TMEM132C: variants seen among roughly 807,000 people sequenced by gnomAD.
TMEM132C encodes transmembrane protein 132C.
TMEM132C carries 29 observed loss-of-function variants against 61.4 expected under a neutral mutation model. The observed-to-expected ratio is 0.47, with a 90% CI of 0.35 to 0.64. TMEM132C has a LOEUF of 0.64. TMEM132C is among the 30% of genes least tolerant of loss of function. TMEM132C has a pLI of 0.00. For missense variants in TMEM132C, 1,408 were observed against 1,476.9 expected, an observed-to-expected ratio of 0.95 and a Z score of 0.76; for synonymous variants, 656 against 633.1, an observed-to-expected ratio of 1.04 and a Z score of -0.54.
intron 1 of TMEM132C, among the ~76,000 whole-genome samples, chr12:128,354,010 G>C (rs1047496920): frequency 6.6e-6 from 1 of 152,194 alleles, no homozygotes; most frequent in African/African-American, 2.4e-5. Flanking sequence ...TGATGTTTCT[G>C]TATAAATGTA....
intron 1 of TMEM132C, among the ~76,000 whole-genome samples, chr12:128,283,860 C>A (rs1870976076): frequency 1.3e-5 from 2 of 152,150 alleles, no homozygotes; most frequent in African/African-American, 4.8e-5. Flanking sequence ...ACTCCTCTGA[C>A]CCCCTGCCTC....
intron 1 of TMEM132C, among the ~76,000 whole-genome samples, chr12:128,275,063 A>C (rs958012599): frequency 1.3e-5 from 2 of 152,204 alleles, no homozygotes; most frequent in Non-Finnish European, 2.9e-5. Context: ...ATGAAAAATC[A>C]ACCAATGTTC....
intron 2 of TMEM132C, among the ~76,000 whole-genome samples, chr12:128,491,479 A>G (rs1414703808): frequency 6.6e-6 from 1 of 152,176 alleles, no homozygotes; most frequent in African/African-American, 2.4e-5. Context: ...TAGTCCCTGC[A>G]CTATTCCTGT....
chr12:128,702,687 G>T (rs953559838), intron 8 of TMEM132C, among the ~76,000 whole-genome samples: 1 of 152,168 alleles, frequency 6.6e-6, no homozygotes, highest in African/African-American at 2.4e-5. Flanking sequence ...CTCCCAATTC[G>T]CATACCACAG....
At chr12:128,454,013 G>A (rs535444114) in intron 2 of TMEM132C, among the ~76,000 whole-genome samples, 13 of 152,294 alleles carry the variant, frequency 8.5e-5, no homozygotes, top group Middle Eastern at 3.4e-3. Flanking sequence ...ACATGAAAAA[G>A]ATCTAGCGAA....
chr12:128,360,067 G>A lies in TMEM132C; in HGVS notation c.86-54665G>A, dbSNP rs183343828. Among the ~76,000 whole-genome samples, 104 of 152,180 alleles carry A rather than the reference G, an allele frequency of 6.8e-4. No homozygotes were observed. In the Middle Eastern group the frequency reaches 0.01, roughly 15 times the overall value. ...GTTGTGCCTGCATTTTGTTCCACAGGTATTTATTGTTTCTGATCTATGCTG... is the reference window on the plus strand; with the variant it reads ...GTTGTGCCTGCATTTTGTTCCACAGATATTTATTGTTTCTGATCTATGCTG... On this transcript the variant is annotated intron_variant, in intron 1 of 8. Transcript: ENST00000435159.
chr12:128,319,508 T>C (rs1872258691), intron 1 of TMEM132C, among the ~76,000 whole-genome samples: 1 of 152,030 alleles, frequency 6.6e-6, no homozygotes, highest in Non-Finnish European at 1.5e-5. Context: ...ATTGGAGTGC[T>C]GTCACCAAAG....
intron 4 of TMEM132C, among the ~76,000 whole-genome samples, chr12:128,639,853 A>G (rs1954144279): frequency 6.6e-6 from 1 of 152,220 alleles, no homozygotes; most frequent in African/African-American, 2.4e-5. Flanking sequence ...GTGTAAGTCC[A>G]CTGTGGCTAT....
At chr12:128,269,997 T>C (rs945103923) in intron 1 of TMEM132C, among the ~76,000 whole-genome samples, 6 of 152,192 alleles carry the variant, frequency 3.9e-5, no homozygotes, top group Non-Finnish European at 8.8e-5. Context: ...CTTGGGAGGT[T>C]CCATAAATAG....
intron 1 of TMEM132C, among the ~76,000 whole-genome samples, chr12:128,347,433 CT>C (rs1873203053): frequency 6.7e-6 from 1 of 149,370 alleles, no homozygotes; most frequent in Non-Finnish European, 1.5e-5. Flanking sequence ...CTCTCTCTCT[CT>C]CTCTCCTTCT....
At chr12:128,366,629 C>T (rs1873880934) in intron 1 of TMEM132C, among the ~76,000 whole-genome samples, 1 of 152,182 alleles carries the variant, frequency 6.6e-6, no homozygotes, top group African/African-American at 2.4e-5. Flanking sequence ...CTCACACAGG[C>T]AGCAGGGAAG....
intron 3 of TMEM132C, among the ~76,000 whole-genome samples, chr12:128,591,244 A>C (rs1411493285): frequency 1.3e-5 from 2 of 152,064 alleles, no homozygotes; most frequent in African/African-American, 2.4e-5. Flanking sequence ...AAGAAATCCT[A>C]TACCCATTCA....
intron 3 of TMEM132C, among the ~76,000 whole-genome samples, chr12:128,602,739 A>G (rs1199346802): frequency 6.6e-6 from 1 of 152,192 alleles, no homozygotes; most frequent in East Asian, 1.9e-4. Flanking sequence ...AATTAGGCCA[A>G]TGTCCCACTG....
chr12:128,528,400 T>G (rs1038063709), intron 2 of TMEM132C, among the ~76,000 whole-genome samples: 6 of 152,208 alleles, frequency 3.9e-5, no homozygotes, highest in African/African-American at 1.4e-4. Context: ...AATTCTTCAC[T>G]GTGTGTTCAT....
At chr12:128,439,877 C>T (rs1365340473) in intron 2 of TMEM132C, among the ~76,000 whole-genome samples, 2 of 152,292 alleles carry the variant, frequency 1.3e-5, no homozygotes, top group East Asian at 3.9e-4. Context: ...GTGCTCCCAG[C>T]AGTCTGTGAG....
At chr12:128,509,476 A>C (rs1872501868) in intron 2 of TMEM132C, among the ~76,000 whole-genome samples, 1 of 152,340 alleles carries the variant, frequency 6.6e-6, no homozygotes, top group South Asian at 2.1e-4. Context: ...TCTGCGTTTT[A>C]CACAAGATAA....
intron 1 of TMEM132C, among the ~76,000 whole-genome samples, chr12:128,327,574 G>C (rs1380594811): frequency 2.0e-5 from 3 of 151,984 alleles, no homozygotes; most frequent in Non-Finnish European, 1.5e-5. Context: ...TAGTAGAGAC[G>C]GGGTTTCACC....
chr12:128,519,544 T>G (rs1872831175), intron 2 of TMEM132C, among the ~76,000 whole-genome samples: 1 of 152,242 alleles, frequency 6.6e-6, no homozygotes. Flanking sequence ...CTTCCTTATG[T>G]CCTTTAAGGT....
chr12:128,682,198 A>ACACAGG (rs911122294), intron 5 of TMEM132C, among the ~76,000 whole-genome samples: 3 of 152,126 alleles, frequency 2.0e-5, no homozygotes, highest in African/African-American at 7.2e-5. Context: ...CCAAACCTCT[A>ACACAGG]CACAGGAGTG....
Sources: gnomAD v4.1 joint callset for allele counts (sites outside exome capture counted in the v4.1 genomes callset) on GRCh38, gnomAD v4.1.1 for gene constraint, MANE v1.5 for transcripts, NCBI Gene and HGNC (gene_info 2026-07-23, HGNC 2026-07-21) for gene names.